Variants in BST1 observed in about 807,000 individuals in gnomAD.
BST1 encodes the protein bone marrow stromal cell antigen 1, also known as ADP-ribosyl cyclase/cyclic ADP-ribose hydrolase 2.
Under a neutral mutation model 40.6 loss-of-function variants are expected in BST1, and 49 were observed. The observed-to-expected ratio is 1.21, with a 90% CI of 0.96 to 1.53. The LOEUF (loss-of-function observed/expected upper bound fraction) is 1.53. BST1 is among the 40% of genes most tolerant of loss of function. The pLI, the probability that BST1 is intolerant of heterozygous loss-of-function variation, is 0.00. For missense variants in BST1, 423 were observed against 395.9 expected (o/e 1.07, Z -0.58); for synonymous variants, 157 against 159.3 (o/e 0.99, Z 0.11).
At chr4:15,707,851 C>CTATA (rs1381695458) in intron 3 of BST1, among the ~76,000 whole-genome samples, 133 of 110,722 alleles carry the variant, frequency 1.2e-3, no homozygotes, top group African/African-American at 3.6e-3. Flanking sequence ...CTCTCTCTCT[C>CTATA]TCTCTATATA....
At chr4:15,705,390 TG>T (rs1314343864) in intron 1 of BST1, 124 bp from the exon 2 acceptor site, 2 of 1,148,908 alleles carry the variant, frequency 1.7e-6, no homozygotes, top group Middle Eastern at 2.1e-4. Flanking sequence ...TTGTCTTTTT[TG>T]TAAGCCTACT....
chr4:15,712,624 TC>T (rs970049848), intron 4 of BST1, among the ~76,000 whole-genome samples: 1 of 152,154 alleles, frequency 6.6e-6, no homozygotes, highest in African/African-American at 2.4e-5. Context: ...TTCAGTCCCA[TC>T]TTCTACCCTA....
the BST1 span, among the ~76,000 whole-genome samples, chr4:15,764,379 A>T: frequency 6.6e-6 from 1 of 152,050 alleles, no homozygotes; most frequent in Non-Finnish European, 1.5e-5. Context: ...TGCTTCTTAA[A>T]TATTCAAGAA....
At chr4:15,713,889 A>T (rs901435142) in intron 4 of BST1, among the ~76,000 whole-genome samples, 3 of 152,052 alleles carry the variant, frequency 2.0e-5, no homozygotes, top group African/African-American at 7.2e-5. Context: ...TTTTTAGTTG[A>T]GATGGGTTTT....
chr4:15,714,444 C>A (rs1161174243), intron 4 of BST1, among the ~76,000 whole-genome samples: 1 of 152,180 alleles, frequency 6.6e-6, no homozygotes, highest in Admixed American at 6.5e-5. Context: ...CAGTAGAGCC[C>A]ATGCCCCTCA....
the BST1 span, among the ~76,000 whole-genome samples, chr4:15,773,517 A>G: frequency 6.6e-6 from 1 of 152,122 alleles, no homozygotes; most frequent in Non-Finnish European, 1.5e-5. Flanking sequence ...CCCCCACTTC[A>G]GTTTCTGTGG....
the BST1 span, among the ~76,000 whole-genome samples, chr4:15,761,512 T>A: frequency 6.6e-6 from 1 of 152,034 alleles, no homozygotes; most frequent in Admixed American, 6.5e-5. Context: ...TATCTTCCTG[T>A]CTGTTGCTAG....
At chr4:15,772,265 G>A in the BST1 span, among the ~76,000 whole-genome samples, 1 of 152,148 alleles carries the variant, frequency 6.6e-6, no homozygotes, top group Non-Finnish European at 1.5e-5. Flanking sequence ...ATAAACAGCA[G>A]GTGGCAAACC....
intron 8 of BST1, among the ~76,000 whole-genome samples, chr4:15,726,136 G>GTTTTTTTTTTT (rs58225702): frequency 1.9e-5 from 2 of 107,590 alleles, no homozygotes; most frequent in African/African-American, 3.6e-5. Flanking sequence ...AACTTTTAAA[G>GTTTTTTTTTTT]TTTTTTTTTT....
intron 8 of BST1, chr4:15,723,523 CA>C: frequency 1.0e-6 from 1 of 984,304 alleles, no homozygotes; most frequent in Non-Finnish European, 1.2e-6. Flanking sequence ...GCTGGGATTA[CA>C]GGCGTAAGCC....
chr4:15,710,831 C>G lies in BST1; in HGVS notation c.452-976C>G, dbSNP rs145480838. 4.1e-3 allele frequency among the ~76,000 whole-genome samples: 629 copies of G among 152,016 alleles called. 3 individuals are homozygous for G. Among genetic ancestry groups the G allele is most frequent in the African/African-American group, 0.014 (582 of 41,462 alleles). On this transcript the variant is annotated intron_variant, in intron 3 of 8. Transcript: ENST00000265016. Reference sequence around the variant, plus strand: ...TTGAAACGGAGTCTCTGTGTGTCACCCAGGCCAGAGTGCAGTGGCACGATC... The same window carrying G: ...TTGAAACGGAGTCTCTGTGTGTCACGCAGGCCAGAGTGCAGTGGCACGATC...
At chr4:15,767,883 A>G in the BST1 span, among the ~76,000 whole-genome samples, 1 of 152,132 alleles carries the variant, frequency 6.6e-6, no homozygotes, top group Middle Eastern at 3.4e-3. Flanking sequence ...GGCCTCCTCA[A>G]GTGTTGAGAT....
chr4:15,765,955 C>T, the BST1 span, among the ~76,000 whole-genome samples: 1 of 151,932 alleles, frequency 6.6e-6, no homozygotes, highest in East Asian at 1.9e-4. Context: ...GCTATAAACC[C>T]AGTACTAAAA....
At chr4:15,752,790 C>T in the BST1 span, among the ~76,000 whole-genome samples, 2 of 152,072 alleles carry the variant, frequency 1.3e-5, no homozygotes, top group African/African-American at 4.8e-5. Flanking sequence ...GAAAATAGGC[C>T]AGATCAGGTC....
intron 8 of BST1, 168 bp from the exon 9 acceptor site, chr4:15,731,572 T>A: frequency 9.3e-7 from 1 of 1,076,068 alleles, no homozygotes; most frequent in Non-Finnish European, 1.4e-6. Flanking sequence ...CTGGTTTCGG[T>A]GCAGGACTTC....
the BST1 span, among the ~76,000 whole-genome samples, chr4:15,752,578 C>T: frequency 8.6e-5 from 13 of 151,630 alleles, no homozygotes; most frequent in African/African-American, 2.2e-4. Flanking sequence ...AGTAGAGACA[C>T]GGTTTCTCCA....
At chr4:15,707,790 A>G (rs1045031060) in intron 3 of BST1, 144 bp downstream of exon 3, 3 of 1,042,486 alleles carry the variant, frequency 2.9e-6, no homozygotes, top group African/African-American at 3.3e-5. Flanking sequence ...AGTTAATAAT[A>G]ACAATACTAG....
the BST1 span, among the ~76,000 whole-genome samples, chr4:15,765,539 G>A: frequency 7.2e-5 from 11 of 151,942 alleles, 1 homozygote; most frequent in East Asian, 1.2e-3. Flanking sequence ...GCCTATCTCC[G>A]GGTCCCAAAC....
the BST1 span, among the ~76,000 whole-genome samples, chr4:15,762,630 C>T: frequency 6.6e-6 from 1 of 151,838 alleles, no homozygotes; most frequent in Non-Finnish European, 1.5e-5. Flanking sequence ...GCATTCTACT[C>T]TCTGCTATGA....
Sources: gnomAD v4.1 joint callset for allele counts (sites outside exome capture counted in the v4.1 genomes callset) on GRCh38, gnomAD v4.1.1 for gene constraint, MANE v1.5 for transcripts, NCBI Gene and HGNC (gene_info 2026-07-23, HGNC 2026-07-21) for gene names.